Variants in SIPA1L1 observed in about 807,000 individuals in gnomAD.
SIPA1L1 encodes the protein signal induced proliferation associated 1 like 1.
SIPA1L1 carries 26 observed loss-of-function variants against 162.7 expected under a neutral mutation model. The observed-to-expected ratio is 0.16, with a 90% confidence interval of 0.12 to 0.22. SIPA1L1 has a LOEUF of 0.22. Among genes scored for constraint, SIPA1L1 ranks in the 10% least tolerant of loss-of-function variants. SIPA1L1 has a pLI of 1.00. For missense variants in SIPA1L1, 1,874 were observed against 2,241.0 expected (o/e 0.84, Z 3.31); for synonymous variants, 829 against 837.4 (o/e 0.99, Z 0.17).
chr14:71,696,122 A>G (rs1244630302), intron 13 of SIPA1L1, among the ~76,000 whole-genome samples: 3 of 152,196 alleles, frequency 2.0e-5, no homozygotes, highest in South Asian at 2.1e-4. Flanking sequence ...TGGCCCCGCC[A>G]TACCTGCCCC....
At chr14:71,699,834 A>G (rs577428884) in intron 14 of SIPA1L1, among the ~76,000 whole-genome samples, 1 of 152,234 alleles carries the variant, frequency 6.6e-6, no homozygotes, top group African/African-American at 2.4e-5. Flanking sequence ...TGCCCTGGAA[A>G]GAACTGGATG....
chr14:71,493,447 T>C (rs1462173571), intron 2 of SIPA1L1, among the ~76,000 whole-genome samples: 1 of 152,216 alleles, frequency 6.6e-6, no homozygotes, highest in Non-Finnish European at 1.5e-5. Flanking sequence ...TTTACTGCTA[T>C]GTTTGTGAAC....
intron 2 of SIPA1L1, among the ~76,000 whole-genome samples, chr14:71,485,012 G>A (rs2142863820): frequency 6.6e-6 from 1 of 152,140 alleles, no homozygotes; most frequent in East Asian, 1.9e-4. Flanking sequence ...TCCCAGCCCT[G>A]TGGAATTACT....
chr14:71,355,763 G>A (rs147937651), intron 2 of SIPA1L1, among the ~76,000 whole-genome samples: 3 of 152,266 alleles, frequency 2.0e-5, no homozygotes, highest in African/African-American at 7.2e-5. Flanking sequence ...TATAAGCCCT[G>A]GCTTGAAACA....
chr14:71,468,002 AGG>A (rs1201287438), intron 2 of SIPA1L1, among the ~76,000 whole-genome samples: 224 of 128,878 alleles, frequency 1.7e-3, no homozygotes, highest in African/African-American at 5.6e-3. Context: ...AAGCAGTTAG[AGG>A]GGTGTGTGTG....
At chr14:71,663,277 G>A (rs1004951569) in intron 10 of SIPA1L1, among the ~76,000 whole-genome samples, 3 of 152,020 alleles carry the variant, frequency 2.0e-5, no homozygotes, top group African/African-American at 2.4e-5. Context: ...ATCTTACATG[G>A]TTTTTTGGAC....
chr14:71,633,115 A>T (rs1167835459), intron 7 of SIPA1L1, among the ~76,000 whole-genome samples: 1 of 111,358 alleles, frequency 9.0e-6, no homozygotes, highest in African/African-American at 3.5e-5. Context: ...CATGATTGTT[A>T]TGTTATGTTA....
intron 2 of SIPA1L1, among the ~76,000 whole-genome samples, chr14:71,336,343 C>A (rs891213258): frequency 1.3e-5 from 2 of 152,112 alleles, no homozygotes; most frequent in East Asian, 1.9e-4. Context: ...TTTGCAGTCA[C>A]CCCCCATTTC....
chr14:71,727,221 A>C (rs999580542), intron 19 of SIPA1L1, among the ~76,000 whole-genome samples: 7 of 152,128 alleles, frequency 4.6e-5, no homozygotes, highest in Admixed American at 1.3e-4. Context: ...GGTATATACC[A>C]AAGGAGGTGG....
At chr14:71,602,746 G>A (rs144325906) in intron 5 of SIPA1L1, among the ~76,000 whole-genome samples, 5 of 152,364 alleles carry the variant, frequency 3.3e-5, no homozygotes, top group African/African-American at 1.2e-4. Context: ...CAGCAGGTGA[G>A]CCAGCATTAT....
At chr14:71,559,667 T>A (rs980801921) in intron 4 of SIPA1L1, among the ~76,000 whole-genome samples, 3 of 152,248 alleles carry the variant, frequency 2.0e-5, no homozygotes, top group Non-Finnish European at 4.4e-5. Flanking sequence ...TGGTTCCTGA[T>A]TTATCATGAG....
At chr14:71,668,013 C>G (rs968820286) in intron 10 of SIPA1L1, among the ~76,000 whole-genome samples, 84 of 151,820 alleles carry the variant, frequency 5.5e-4, no homozygotes, top group African/African-American at 2.0e-3. Flanking sequence ...TGCAGTGAGC[C>G]GAGATCGCGC....
intron 19 of SIPA1L1, 104 bp from the exon 20 acceptor site, chr14:71,729,951 G>C: frequency 8.1e-7 from 1 of 1,232,830 alleles, no homozygotes; most frequent in African/African-American, 1.5e-5. Flanking sequence ...CTTGCTAGGG[G>C]TGTGTCTGGA....
At chr14:71,460,260 G>T (rs2046494795) in intron 2 of SIPA1L1, among the ~76,000 whole-genome samples, 1 of 152,136 alleles carries the variant, frequency 6.6e-6, no homozygotes, top group African/African-American at 2.4e-5. Flanking sequence ...TTTGCATTCA[G>T]CAAGCATGTC....
At chr14:71,456,903 A>G (rs1190906060) in intron 2 of SIPA1L1, among the ~76,000 whole-genome samples, 1 of 152,212 alleles carries the variant, frequency 6.6e-6, no homozygotes, top group Non-Finnish European at 1.5e-5. Flanking sequence ...AAACCAACTT[A>G]ATAGGACATC....
intron 2 of SIPA1L1, among the ~76,000 whole-genome samples, chr14:71,468,005 GGTGTGTGTGTGTGTGTGT>G (rs56265408): frequency 7.1e-6 from 1 of 141,606 alleles, no homozygotes; most frequent in Non-Finnish European, 1.5e-5. Flanking sequence ...CAGTTAGAGG[GGTGTGTGTGTGTGTGTGT>G]GTGTGTGTGT....
At chr14:71,691,125 A>G (rs375000929) in intron 13 of SIPA1L1, among the ~76,000 whole-genome samples, 10 of 152,122 alleles carry the variant, frequency 6.6e-5, no homozygotes, top group Admixed American at 2.0e-4. Context: ...ATTTCGCACT[A>G]AGTTTCTTTT....
At position 71,588,339 on chromosome 14, in the gene SIPA1L1, C is replaced by T. The variant is rs1414582110; in HGVS notation, c.467C>T (p.Pro156Leu). Residue 156 changes from proline to leucine, a missense_variant, in exon 5 of 24, where the codon CCT becomes CTT. Physicochemically the swap from Pro to Leu is moderately conservative, Grantham distance 98. Transcript: ENST00000381232. The surrounding 1 kb of genome is among the most constrained non-coding windows in gnomAD (Gnocchi z 4.3). ...SENMDSRFLM[P>L]EAYPSSPRKA... ...AACATGGACTCCAGATTTCTCATGC[C>T]TGAAGCCTACCCCAGCTCCCCCAGA... is the stretch of plus-strand genomic sequence containing the variant. The T allele has an allele frequency of 6.2e-7, 1 of 1,613,562 alleles. No homozygotes were observed. Among genetic ancestry groups the T allele is most frequent in the Non-Finnish European group, 8.5e-7 (1 of 1,179,972 alleles).
chr14:71,516,967 T>C (rs544354930), intron 3 of SIPA1L1, among the ~76,000 whole-genome samples: 4 of 152,334 alleles, frequency 2.6e-5, no homozygotes, highest in African/African-American at 4.8e-5. Flanking sequence ...AACGAGACTT[T>C]GTCTCAAACA....
Sources: allele counts gnomAD v4.1 joint callset (sites outside exome capture counted in the v4.1 genomes callset), GRCh38; gene constraint gnomAD v4.1.1; non-coding constraint Gnocchi (gnomAD v3.1); transcripts MANE v1.5; gene names NCBI Gene and HGNC (gene_info 2026-07-23, HGNC 2026-07-21).